CHRM3: variants seen among roughly 807,000 people sequenced by gnomAD.
The protein encoded by CHRM3 is cholinergic receptor muscarinic 3.
Under a neutral mutation model 41.8 loss-of-function variants are expected in CHRM3, and 11 were observed. The ratio of observed to expected loss-of-function variants is 0.26; its 90% confidence interval spans 0.17 to 0.44. The LOEUF is 0.44. CHRM3 is among the 20% of genes least tolerant of loss of function. The probability of loss-of-function intolerance (pLI) is 1.00; values close to 1 mark genes in which losing one functional copy is unlikely to be tolerated. For missense variants in CHRM3, 571 were observed against 745.4 expected, an observed-to-expected ratio of 0.77 and a Z score of 2.72; for synonymous variants, 297 against 301.4, an observed-to-expected ratio of 0.99 and a Z score of 0.15.
chr1:239,562,032 A>G (rs1001218390), intron 3 of CHRM3, among the ~76,000 whole-genome samples: 60 of 152,240 alleles, frequency 3.9e-4, no homozygotes, highest in African/African-American at 1.4e-3. Flanking sequence ...AACCTTGCAT[A>G]CGTAAATTTT....
At chr1:239,864,495 G>A (rs887986206) in intron 6 of CHRM3, among the ~76,000 whole-genome samples, 4 of 151,396 alleles carry the variant, frequency 2.6e-5, no homozygotes, top group Non-Finnish European at 2.9e-5. Flanking sequence ...CAACAAGAGC[G>A]AAACTCCGTC....
chr1:239,696,841 C>T (rs1029185837), intron 5 of CHRM3, among the ~76,000 whole-genome samples: 1 of 152,120 alleles, frequency 6.6e-6, no homozygotes, highest in Non-Finnish European at 1.5e-5. Flanking sequence ...AAACAAAAAC[C>T]AGCAGTCATC....
At chr1:239,520,682 T>A (rs1053200291) in intron 2 of CHRM3, among the ~76,000 whole-genome samples, 6 of 152,178 alleles carry the variant, frequency 3.9e-5, no homozygotes, top group Non-Finnish European at 8.8e-5. Context: ...TACAAACAGG[T>A]ATAGCAGGTG....
chr1:239,485,891 C>G (rs535014122), intron 1 of CHRM3, among the ~76,000 whole-genome samples: 23 of 152,242 alleles, frequency 1.5e-4, no homozygotes, highest in Non-Finnish European at 2.6e-4. Context: ...TTTTCAAATT[C>G]TTTAGTATTG....
At chr1:239,689,812 A>G (rs1458042398) in intron 5 of CHRM3, among the ~76,000 whole-genome samples, 1 of 152,172 alleles carries the variant, frequency 6.6e-6, no homozygotes, top group Admixed American at 6.6e-5. Context: ...TTCCGTGTCC[A>G]GGGTACGGAT....
intron 5 of CHRM3, among the ~76,000 whole-genome samples, chr1:239,694,474 T>C (rs965515650): frequency 1.6e-4 from 24 of 152,298 alleles, no homozygotes; most frequent in African/African-American, 5.8e-4. Context: ...TTCCAAAAAA[T>C]AAGGAAAGGT....
At chr1:239,865,384 A>G (rs571403544) in intron 6 of CHRM3, among the ~76,000 whole-genome samples, 1 of 152,362 alleles carries the variant, frequency 6.6e-6, no homozygotes, top group South Asian at 2.1e-4. Context: ...TTTTATGTCT[A>G]GCTTTTGAAT....
At chr1:239,408,027 T>A (rs1660746278) in intron 1 of CHRM3, among the ~76,000 whole-genome samples, 1 of 152,138 alleles carries the variant, frequency 6.6e-6, no homozygotes, top group African/African-American at 2.4e-5. Flanking sequence ...TCAAATCTCA[T>A]CTTGAACTAT....
At chr1:239,832,167 G>A (rs1312913838) in intron 6 of CHRM3, among the ~76,000 whole-genome samples, 1 of 152,136 alleles carries the variant, frequency 6.6e-6, no homozygotes, top group Non-Finnish European at 1.5e-5. Flanking sequence ...TCCATTGTAC[G>A]GGTGGCACCT....
chr1:239,486,987 A>T (rs962044880), intron 1 of CHRM3, among the ~76,000 whole-genome samples: 1 of 152,242 alleles, frequency 6.6e-6, no homozygotes, highest in African/African-American at 2.4e-5. Context: ...AGATTTTGAC[A>T]TTTATTGCAA....
intron 5 of CHRM3, among the ~76,000 whole-genome samples, chr1:239,746,765 CT>C (rs528604563): frequency 1.3e-4 from 20 of 148,360 alleles, no homozygotes; most frequent in South Asian, 2.1e-4. Context: ...TTCTTTCTTT[CT>C]TTTTTTTTTG....
intron 5 of CHRM3, among the ~76,000 whole-genome samples, chr1:239,819,189 C>A (rs1671835691): frequency 6.6e-6 from 1 of 152,176 alleles, no homozygotes; most frequent in Non-Finnish European, 1.5e-5. Context: ...TGTTGCACCC[C>A]TAACCTGCTC....
intron 3 of CHRM3, among the ~76,000 whole-genome samples, chr1:239,576,276 C>T (rs565930365): frequency 6.6e-6 from 1 of 152,066 alleles, no homozygotes. Context: ...CCTACCCACC[C>T]CCATCCCCAG....
chr1:239,680,495 A>G (rs1049857057), intron 5 of CHRM3, among the ~76,000 whole-genome samples: 3 of 152,124 alleles, frequency 2.0e-5, no homozygotes, highest in Non-Finnish European at 4.4e-5. Flanking sequence ...TTGTTTACCT[A>G]TCCAACAGAT....
At chr1:239,675,055 T>TCATGC (rs1479007115) in intron 4 of CHRM3, among the ~76,000 whole-genome samples, 8 of 152,170 alleles carry the variant, frequency 5.3e-5, no homozygotes, top group Admixed American at 6.5e-5. Flanking sequence ...CTCCATTTTC[T>TCATGC]CATGCCAGAA....
At chr1:239,544,541 G>A (rs1008731763) in intron 2 of CHRM3, among the ~76,000 whole-genome samples, 19 of 152,108 alleles carry the variant, frequency 1.2e-4, no homozygotes, top group Non-Finnish European at 2.4e-4. Context: ...TTCTTCTTGA[G>A]ATTGTATTGC....
At chr1:239,586,669 T>A (rs1052097212) in intron 3 of CHRM3, among the ~76,000 whole-genome samples, 1 of 152,164 alleles carries the variant, frequency 6.6e-6, no homozygotes, top group Non-Finnish European at 1.5e-5. Flanking sequence ...ATATGTTGCA[T>A]GCTTTCTCCT....
At chr1:239,397,683 G>GT (rs1016510769) in intron 1 of CHRM3, among the ~76,000 whole-genome samples, 33 of 28,622 alleles carry the variant, frequency 1.2e-3, no homozygotes, top group African/African-American at 2.0e-3. Context: ...AAAAATACAT[G>GT]TATTTATATA....
At chr1:239,897,887 G>A (rs1337828851) in intron 6 of CHRM3, 1 of 152,136 alleles carries the variant, frequency 6.6e-6, no homozygotes, top group African/African-American at 2.4e-5. Flanking sequence ...AGGTCCTGAT[G>A]CAAATCCTTT....
Sources: gnomAD v4.1 joint callset for allele counts (sites outside exome capture counted in the v4.1 genomes callset) on GRCh38, gnomAD v4.1.1 for gene constraint, MANE v1.5 for transcripts, NCBI Gene and HGNC (gene_info 2026-07-23, HGNC 2026-07-21) for gene names.